The following GRID2IP variants were observed in gnomAD, a reference collection of about 807,000 sequenced individuals.
The protein encoded by GRID2IP is delphilin.
In GRID2IP, 78 loss-of-function variants were observed where a neutral mutation model predicts 114.3. The ratio of observed to expected loss-of-function variants is 0.68; its 90% CI spans 0.57 to 0.82. The LOEUF (loss-of-function observed/expected upper bound fraction) is 0.82, where lower values mean the gene tolerates loss of function less well. Ranked by LOEUF, GRID2IP falls within the 40% of genes least tolerant of loss-of-function variation. The probability of loss-of-function intolerance (pLI) is 0.00; values close to 1 mark genes in which losing one functional copy is unlikely to be tolerated. For synonymous variants in GRID2IP, 809 were observed against 724.0 expected, an observed-to-expected ratio of 1.12 and a Z score of -1.89; for missense variants, 1,727 against 1,678.5, an observed-to-expected ratio of 1.03 and a Z score of -0.51.
chr7:6,504,913 G>A (rs775176668), intron 14 of GRID2IP, 43 bp from the exon 15 acceptor site: 13 of 1,517,698 alleles, frequency 8.6e-6, no homozygotes, highest in Non-Finnish European at 1.2e-5. Flanking sequence ...CTAGGCTGAG[G>A]CTGCAGTGGG....
chr7:6,528,867 G>GCAC lies in GRID2IP; in HGVS notation c.585-2099_585-2098insGTG. Reference sequence around the variant, plus strand: ...GCCCGGTGCCCATTCCCATCCACCTGCAATGCTTCCTGCAAATCCGGAAAC... The same window carrying GCAC: ...GCCCGGTGCCCATTCCCATCCACCTGCACCAATGCTTCCTGCAAATCCGGAAAC... On this transcript the variant is annotated intron_variant, in intron 2 of 21. Coordinates refer to ENST00000457091, the MANE Select transcript of GRID2IP (RefSeq NM_001145118.2). This position sits in a 1 kb window ranked among gnomAD's most constrained non-coding sequence, Gnocchi z 6.0. Among the ~76,000 whole-genome samples, 1 of 152,264 alleles carries GCAC rather than the reference G, an allele frequency of 6.6e-6. No homozygotes were observed. The highest frequency in any genetic ancestry group is 1.9e-4 in the East Asian group (1 of 5,182).
chr7:6,508,331 C>T lies in GRID2IP; in HGVS notation c.2198G>A (p.Ser733Asn), dbSNP rs1028434330. 7 of 1,551,368 alleles carry T rather than the reference C, an allele frequency of 4.5e-6. No individual in the cohort carries two copies. In the African/African-American group the frequency reaches 8.2e-5, roughly 18 times the overall value. The change falls in exon 13 of 22, where the codon AGC becomes AAC. Residue 733 changes from serine (S) to asparagine (N), a missense_variant. Transcript: ENST00000457091. This position sits in a 1 kb window ranked among gnomAD's most constrained non-coding sequence, Gnocchi z 5.6. ...ERSSASDCIS[S>N]SEEGSSLTYS... ...GGTCAGGGAGCTGCCTTCTTCACTGCTGCTGATGCAGTCGCTGGCGCTGCT... is the reference window on the plus strand; with the variant it reads ...GGTCAGGGAGCTGCCTTCTTCACTGTTGCTGATGCAGTCGCTGGCGCTGCT...
rs563435853 is a variant in GRID2IP at position 6,511,755 on chromosome 7, A to G, written c.1424-716T>C. On this transcript the variant is annotated intron_variant, in intron 8 of 21. Transcript: ENST00000457091. ...ATCCTGAGCTTCTCGCTAAAACCCT[A>G]GCAAATTGTGGGTCCCTGGGACTGC... Among the ~76,000 whole-genome samples the G allele has an allele frequency of 6.4e-4, 98 of 152,266 alleles. No homozygotes were observed. In the Middle Eastern group the frequency reaches 0.01, roughly 16 times the overall value.
rs558922974 is a variant in GRID2IP at position 6,532,093 on chromosome 7, T to C, written c.585-5324A>G. Among the ~76,000 whole-genome samples, 8 of 152,192 alleles carry C rather than the reference T, an allele frequency of 5.3e-5. No individual in the cohort carries two copies. Among genetic ancestry groups the C allele is most frequent in the African/African-American group, 1.9e-4 (8 of 41,552 alleles). On this transcript the variant is annotated intron_variant, in intron 2 of 21. Coordinates refer to ENST00000457091, the MANE Select transcript of GRID2IP (RefSeq NM_001145118.2). This position sits in a 1 kb window ranked among gnomAD's most constrained non-coding sequence, Gnocchi z 4.4. ...AGGAAAGGAGGTCTGGACTCATCCC[T>C]GGAGGCTCTGGGCCTGCCATCCCCT...
intron 2 of GRID2IP, among the ~76,000 whole-genome samples, chr7:6,531,733 C>G (rs1779630155): frequency 6.6e-6 from 1 of 152,174 alleles, no homozygotes. Context: ...AGCTGAGACC[C>G]CACTCTGGGA....
chr7:6,539,771 A>G lies in GRID2IP; in HGVS notation c.531T>C (p.Thr177=). The G allele has an allele frequency of 6.5e-7, 1 of 1,550,248 alleles. No individual in the cohort carries two copies. The highest frequency in any genetic ancestry group is 8.7e-7 in the Non-Finnish European group (1 of 1,146,882). Residue 177 remains threonine (T), a synonymous_variant, in exon 2 of 22, where the codon ACT becomes ACC. Coordinates refer to ENST00000457091, the MANE Select transcript of GRID2IP (RefSeq NM_001145118.2). ...CCTCTCGGGGCAGCGCCAGGGTGAG[A>G]GTCCACACCAGATCATCCACCCGCT... is the stretch of plus-strand genomic sequence containing the variant. The part of the protein sequence containing the change: ...AEQRVDDLVW[T]LTLALPREAC...
At chr7:6,525,375 G>A (rs1038902255) in intron 4 of GRID2IP, among the ~76,000 whole-genome samples, 11 of 152,018 alleles carry the variant, frequency 7.2e-5, no homozygotes, top group Middle Eastern at 3.2e-3. Context: ...TACTCCCAGC[G>A]CTTTGGGAGG....
chr7:6,547,862 G>A, intron 1 of GRID2IP, among the ~76,000 whole-genome samples: 1 of 152,192 alleles, frequency 6.6e-6, no homozygotes, highest in East Asian at 1.9e-4. Context: ...GGGACCTGAT[G>A]CCTGGGCAGT....
intron 4 of GRID2IP, among the ~76,000 whole-genome samples, chr7:6,525,543 A>C (rs1779492945): frequency 6.6e-6 from 1 of 152,142 alleles, no homozygotes; most frequent in Non-Finnish European, 1.5e-5. Context: ...CTGGAGGCTC[A>C]GCTACACTTG....
At chr7:6,529,976 T>A (rs1779587217) in intron 2 of GRID2IP, among the ~76,000 whole-genome samples, 1 of 147,342 alleles carries the variant, frequency 6.8e-6, no homozygotes, top group East Asian at 2.0e-4. Context: ...TTTTTTTTTT[T>A]AAGACAAAGT....
At chr7:6,530,267 GTTGTTTGT>G (rs1554276910) in intron 2 of GRID2IP, among the ~76,000 whole-genome samples, 2 of 150,146 alleles carry the variant, frequency 1.3e-5, no homozygotes, top group South Asian at 2.1e-4. Context: ...CTTTTTTGTT[GTTGTTTGT>G]TTGTTTGTTT....
intron 1 of GRID2IP, among the ~76,000 whole-genome samples, chr7:6,546,176 A>G (rs1055647256): frequency 1.3e-5 from 2 of 151,654 alleles, no homozygotes; most frequent in Non-Finnish European, 2.9e-5. Context: ...AAAACCAACC[A>G]GTCTGGCGCA....
intron 1 of GRID2IP, among the ~76,000 whole-genome samples, chr7:6,548,193 A>C (rs957012361): frequency 6.6e-6 from 1 of 152,000 alleles, no homozygotes; most frequent in Non-Finnish European, 1.5e-5. Context: ...TCTCTACTAT[A>C]AATACAAAAA....
At position 6,508,340 on chromosome 7, in the gene GRID2IP, C is replaced by G; in HGVS notation, c.2189G>C (p.Cys730Ser). The change falls in exon 13 of 22, where the codon TGC becomes TCC. Residue 730 changes from cysteine (C) to serine (S), a missense_variant. By Grantham distance (112) the Cys-to-Ser change is moderately radical. Transcript: ENST00000457091. This position sits in a 1 kb window ranked among gnomAD's most constrained non-coding sequence, Gnocchi z 5.6. Reference protein sequence around the residue: ...VTNERSSASDCISSSEEGSSL... With the variant: ...VTNERSSASDSISSSEEGSSL... ...GCTGCCTTCTTCACTGCTGCTGATG[C>G]AGTCGCTGGCGCTGCTCCGCTCATT... 6.4e-7 allele frequency: 1 copy of G among 1,551,566 alleles called. No homozygotes were observed. Among genetic ancestry groups the G allele is most frequent in the Non-Finnish European group, 8.7e-7 (1 of 1,147,048 alleles).
At position 6,526,733 on chromosome 7, in the gene GRID2IP, G is replaced by T; in HGVS notation, c.621C>A (p.Asp207Glu). 6.6e-7 allele frequency: 1 copy of T among 1,523,940 alleles called. No individual in the cohort carries two copies. 94.4% of individuals were successfully genotyped at this position (1,523,940 alleles called of 1,614,324 possible). ...CCAGGAGGCCCTGAGACACCACCTC[G>T]TCGAAGCGCGCCCGGTGCTTCTTGG... ...FIPKKHRARF[D>E]EVVSQGLLGK... The change falls in exon 3 of 22, where the codon GAC becomes GAA. Residue 207 changes from aspartate (D) to glutamate (E), a missense_variant. Coordinates refer to ENST00000457091, the MANE Select transcript of GRID2IP (RefSeq NM_001145118.2). This position sits in a 1 kb window ranked among gnomAD's most constrained non-coding sequence, Gnocchi z 7.6.
chr7:6,511,016 G>A lies in GRID2IP; in HGVS notation c.1447C>T (p.Leu483=). The change falls in exon 9 of 22, where the codon CTG becomes TTG. Residue 483 remains leucine (L), a synonymous_variant. Transcript: ENST00000457091. Reference sequence around the variant, plus strand: ...GGCTCAGGCGTGGGCTCGGACTCCAGGTCCAGCTCAGGCTCCGGCTCTGCT... The same window carrying A: ...GGCTCAGGCGTGGGCTCGGACTCCAAGTCCAGCTCAGGCTCCGGCTCTGCT... ...MTAEPEPELD[L]ESEPTPEPQP... is the part of the protein sequence containing the mutation. The A allele has an allele frequency of 1.3e-6, 2 of 1,491,616 alleles. No homozygotes were observed. The highest frequency in any genetic ancestry group is 1.8e-6 in the Non-Finnish European group (2 of 1,119,896). The allele number at this position is 1,491,616 out of a possible 1,614,324, so 92.4% of individuals were successfully genotyped here. A position where few individuals can be genotyped will look rare whatever the true frequency, so the allele number is the denominator to read the frequency against.
chr7:6,521,378 T>C lies in GRID2IP; in HGVS notation c.1084+51A>G, dbSNP rs1779407982. 3.8e-6 allele frequency: 5 copies of C among 1,328,066 alleles called. No homozygotes were observed. The African/African-American group carries it at 4.4e-5, about 12-fold the overall frequency. 82.3% of individuals were successfully genotyped at this position (1,328,066 alleles called of 1,614,324 possible). On this transcript the variant is annotated intron_variant, in intron 6 of 21. Coordinates refer to ENST00000457091, the MANE Select transcript of GRID2IP (RefSeq NM_001145118.2). This position sits in a 1 kb window ranked among gnomAD's most constrained non-coding sequence, Gnocchi z 4.1. The stretch of plus-strand genomic sequence containing the variant: ...ACTGTGACTCTCACATATAGCAGCC[T>C]GGGCAGGGTCTCTGGGGGCCAAGGA...
At chr7:6,544,077 C>G (rs1445214228) in intron 1 of GRID2IP, among the ~76,000 whole-genome samples, 1 of 151,880 alleles carries the variant, frequency 6.6e-6, no homozygotes, top group Non-Finnish European at 1.5e-5. Flanking sequence ...AATTACACGT[C>G]TGAGCCATCG....
At chr7:6,501,722 G>A (rs908255880) in intron 20 of GRID2IP, 59 bp downstream of exon 20, 7 of 1,293,968 alleles carry the variant, frequency 5.4e-6, no homozygotes, top group Admixed American at 2.0e-5. Flanking sequence ...GCCACAGCCA[G>A]CTCTACCCAA....
Sources: allele counts gnomAD v4.1 joint callset (sites outside exome capture counted in the v4.1 genomes callset), GRCh38; gene constraint gnomAD v4.1.1; non-coding constraint Gnocchi (gnomAD v3.1); transcripts MANE v1.5; gene names NCBI Gene and HGNC (gene_info 2026-07-23, HGNC 2026-07-21).